Variants in ACER3 observed in about 807,000 individuals in gnomAD.
ACER3 encodes the protein alkCDase 3.
In ACER3, 16 loss-of-function variants were observed where a neutral mutation model predicts 48.9. The observed-to-expected ratio is 0.33, with a 90% CI of 0.22 to 0.50. The LOEUF (loss-of-function observed/expected upper bound fraction) is 0.50. ACER3 is among the 20% of genes least tolerant of loss of function. The pLI is 0.98. For synonymous variants in ACER3, 109 were observed against 107.8 expected, an observed-to-expected ratio of 1.01 and a Z score of -0.07; for missense variants, 227 against 326.0, an observed-to-expected ratio of 0.70 and a Z score of 2.34.
chr11:76,862,745 C>T (rs1029226692), intron 1 of ACER3, among the ~76,000 whole-genome samples: 16 of 152,164 alleles, frequency 1.1e-4, no homozygotes, highest in African/African-American at 3.9e-4. Context: ...AAAACCTTCT[C>T]ACCAATGATA....
intron 3 of ACER3, among the ~76,000 whole-genome samples, chr11:76,974,596 T>C (rs1565208813): frequency 6.6e-6 from 1 of 152,060 alleles, no homozygotes; most frequent in African/African-American, 2.4e-5. Flanking sequence ...CTGAAAAATA[T>C]CCAGAAGTGA....
chr11:77,002,314 A>C (rs1949049965), intron 7 of ACER3, among the ~76,000 whole-genome samples: 1 of 152,112 alleles, frequency 6.6e-6, no homozygotes, highest in Non-Finnish European at 1.5e-5. Context: ...CTTTATCATG[A>C]ATGGGTGTTG....
At chr11:76,877,518 T>C (rs1565154980) in intron 1 of ACER3, among the ~76,000 whole-genome samples, 3 of 151,808 alleles carry the variant, frequency 2.0e-5, no homozygotes, top group South Asian at 2.1e-4. Context: ...TTTTCCTTTT[T>C]TTCCCCCCCA....
chr11:77,005,954 G>GTATATTATATATATATATATATATATA (rs1949126322), intron 7 of ACER3, among the ~76,000 whole-genome samples: 2 of 105,526 alleles, frequency 1.9e-5, no homozygotes, highest in Non-Finnish European at 3.9e-5. Context: ...TAATATATAT[G>GTATATTATATATATATATATATATATA]TATATTATAT....
At chr11:76,887,276 T>A (rs958242925) in intron 1 of ACER3, among the ~76,000 whole-genome samples, 1 of 152,108 alleles carries the variant, frequency 6.6e-6, no homozygotes, top group Non-Finnish European at 1.5e-5. Flanking sequence ...GTATGTCAGA[T>A]AAGGCTTTTT....
chr11:76,919,061 G>T lies in ACER3; in HGVS notation c.104-7496G>T, dbSNP rs183901730. ...TTCATCAAGCTAATTTGCTGACTGG[G>T]CAGGACGGCTTTTCACAGTGGAAGT... is the stretch of plus-strand genomic sequence containing the variant. On this transcript the variant is annotated intron_variant, in intron 1 of 10. Transcript: ENST00000532485. Among the ~76,000 whole-genome samples, 345 of 152,312 alleles carry T rather than the reference G, an allele frequency of 2.3e-3. 5 individuals are homozygous for T. The highest frequency in any genetic ancestry group is 4.1e-4 in the Non-Finnish European group (28 of 68,030).
At chr11:76,999,383 T>G (rs1948982983) in intron 7 of ACER3, among the ~76,000 whole-genome samples, 1 of 151,290 alleles carries the variant, frequency 6.6e-6, no homozygotes, top group Non-Finnish European at 1.5e-5. Flanking sequence ...GGGTTTGTTT[T>G]TTTTTTCTTT....
intron 7 of ACER3, among the ~76,000 whole-genome samples, chr11:77,010,160 C>A (rs1949231878): frequency 8.9e-6 from 1 of 112,206 alleles, no homozygotes; most frequent in South Asian, 3.1e-4. Context: ...CTGTCTCTAC[C>A]AGAAATAATA....
chr11:76,889,897 T>C (rs528851643), intron 1 of ACER3, among the ~76,000 whole-genome samples: 1 of 152,274 alleles, frequency 6.6e-6, no homozygotes, highest in East Asian at 1.9e-4. Flanking sequence ...TTCTTGGTTA[T>C]TTTTTCTTGC....
intron 3 of ACER3, among the ~76,000 whole-genome samples, chr11:76,960,072 T>A (rs913498849): frequency 3.3e-5 from 5 of 152,228 alleles, no homozygotes; most frequent in South Asian, 2.1e-4. Flanking sequence ...ATTTTTCTAG[T>A]AGCTACATTG....
chr11:76,983,003 G>A (rs992216342), intron 4 of ACER3, among the ~76,000 whole-genome samples: 2 of 152,180 alleles, frequency 1.3e-5, no homozygotes, highest in Non-Finnish European at 2.9e-5. Context: ...AAATCTTGAA[G>A]TCAGTTAGAA....
At chr11:76,988,563 T>G (rs1449336330) in intron 5 of ACER3, among the ~76,000 whole-genome samples, 1 of 152,162 alleles carries the variant, frequency 6.6e-6, no homozygotes, top group East Asian at 1.9e-4. Flanking sequence ...TCACTCACTA[T>G]GATGAGAAAA....
At position 77,024,437 on chromosome 11, in the gene ACER3, A is replaced by T. The variant is rs1464211778; in HGVS notation, c.*4110A>T. ...AAATTATCAGCCCAGTCAGCTTCAT[A>T]TACCCAGATATGGACACTTCTACAC... On this transcript the variant is annotated 3_prime_UTR_variant, in exon 11 of 11. Coordinates refer to ENST00000532485, the MANE Select transcript of ACER3 (RefSeq NM_018367.7). 2.0e-5 allele frequency: 3 copies of T among 152,190 alleles called. No individual in the cohort carries two copies. In the East Asian group the frequency reaches 5.8e-4, roughly 29 times the overall value. 9.4% of individuals were successfully genotyped at this position (152,190 alleles called of 1,614,324 possible). A position where few individuals can be genotyped will look rare whatever the true frequency, so the allele number is the denominator to read the frequency against.
rs149589077 is a variant in ACER3, at chr11:77,025,392, T to TTATATATATATA, written c.*5073_*5084dup. The TTATATATATATA allele has an allele frequency of 7.2e-3, 981 of 135,794 alleles. 12 individuals carry two copies. The highest frequency in any genetic ancestry group is 0.017 in the African/African-American group (533 of 32,270). The allele number at this position is 135,794 out of a possible 1,614,324, so 8.4% of individuals were successfully genotyped here. A position where few individuals can be genotyped will look rare whatever the true frequency, so the allele number is the denominator to read the frequency against. ...TGGTTATTTTATTTTATTTTATTCT[T>TTATATATATATA]TATATATATATATATATATTTATTT... On this transcript the variant is annotated 3_prime_UTR_variant, in exon 11 of 11. Coordinates refer to ENST00000532485, the MANE Select transcript of ACER3 (RefSeq NM_018367.7).
rs537724332 is a variant in ACER3 at position 76,882,266 on chromosome 11, AGT to A, written c.103+21190_103+21191del. ...GTAATCTGCCCGCGTCAACTGCCAAAGTGTTGGGATTACAGGCTTGAGCCATT... is the reference window on the plus strand; with the variant it reads ...GTAATCTGCCCGCGTCAACTGCCAAAGTTGGGATTACAGGCTTGAGCCATT... On this transcript the variant is annotated intron_variant, in intron 1 of 10. Coordinates refer to ENST00000532485, the MANE Select transcript of ACER3 (RefSeq NM_018367.7). Among the ~76,000 whole-genome samples the A allele has an allele frequency of 5.1e-3, 783 of 152,188 alleles. 8 individuals are homozygous for A. Among genetic ancestry groups the A allele is most frequent in the African/African-American group, 0.018 (736 of 41,512 alleles).
chr11:77,020,006 A>G (rs3740765), intron 10 of ACER3, among the ~76,000 whole-genome samples: 108,184 of 152,118 alleles, frequency 0.71, 38,876 homozygotes, highest in Non-Finnish European at 0.77. Flanking sequence ...TTGCAGAGTT[A>G]TTTTAAAGAT....
intron 1 of ACER3, among the ~76,000 whole-genome samples, chr11:76,864,847 G>C (rs1161491459): frequency 1.3e-5 from 2 of 149,946 alleles, no homozygotes; most frequent in African/African-American, 2.5e-5. Context: ...TGATCCACCT[G>C]TTCAGCCTCC....
intron 1 of ACER3, among the ~76,000 whole-genome samples, chr11:76,924,292 G>A (rs914757976): frequency 6.6e-6 from 1 of 152,016 alleles, no homozygotes; most frequent in Non-Finnish European, 1.5e-5. Flanking sequence ...GATAAATCTG[G>A]TTCTTGTTTC....
chr11:76,948,219 G>A (rs867050493), intron 2 of ACER3, among the ~76,000 whole-genome samples: 30,141 of 125,614 alleles, frequency 0.24, 2,950 homozygotes, highest in Non-Finnish European at 0.29. Flanking sequence ...CTCTGTGTGT[G>A]TGTGTGTGTG....
Sources: gnomAD v4.1 joint callset for allele counts (sites outside exome capture counted in the v4.1 genomes callset) on GRCh38, gnomAD v4.1.1 for gene constraint, MANE v1.5 for transcripts, NCBI Gene and HGNC (gene_info 2026-07-23, HGNC 2026-07-21) for gene names.